Variants in CASZ1 observed in about 807,000 individuals in gnomAD.
CASZ1 encodes castor zinc finger 1.
In CASZ1, 28 loss-of-function variants were observed where a neutral mutation model predicts 135.2. The observed-to-expected ratio is 0.21, with a 90% CI of 0.15 to 0.28. CASZ1 has a LOEUF of 0.28. Among genes scored for constraint, CASZ1 ranks in the 10% least tolerant of loss-of-function variants. CASZ1 has a pLI of 1.00. For missense variants in CASZ1, 2,161 were observed against 2,453.3 expected (o/e 0.88, Z 2.52); for synonymous variants, 1,068 against 1,073.4 (o/e 0.99, Z 0.10).
rs144647570 is a variant in CASZ1 at position 10,766,651 on chromosome 1, C to T, written c.-233-5794G>A. Among the ~76,000 whole-genome samples the T allele has an allele frequency of 2.0e-5, 3 of 152,306 alleles. No individual in the cohort carries two copies. In the East Asian group the frequency reaches 5.8e-4, roughly 29 times the overall value. On this transcript the variant is annotated intron_variant, in intron 1 of 20. Coordinates refer to ENST00000377022, the MANE Select transcript of CASZ1 (RefSeq NM_001079843.3). ...AGGTGCTGTCAAGCATTTGATAAAT[C>T]AATCACAAAGCCTAAACAAAGAGAA...
In CASZ1 at chr1:10,649,108, C is replaced by A. The variant is rs1287151990; in HGVS notation, c.3120G>T (p.Ala1040=). The A allele has an allele frequency of 6.2e-7, 1 of 1,613,604 alleles. No homozygotes were observed. The highest frequency in any genetic ancestry group is 8.5e-7 in the Non-Finnish European group (1 of 1,180,022). Residue 1040 remains alanine, a synonymous_variant, in exon 15 of 21, where the codon GCG becomes GCT. Coordinates refer to ENST00000377022, the MANE Select transcript of CASZ1 (RefSeq NM_001079843.3). ...HFHCVVEECG[A]LFSTLDGAIK... is the part of the protein sequence containing the mutation. ...TGGCCCCGTCCAAGGTGCTGAAGAG[C>A]GCGCCGCATTCCTCCACCACGCAGT...
Position 10,767,420 on chromosome 1 carries a change from C to G in CASZ1, c.-233-6563G>C, listed in dbSNP as rs1298373602. Among the ~76,000 whole-genome samples, 1 of 152,186 alleles carries G rather than the reference C, an allele frequency of 6.6e-6. No individual in the cohort carries two copies. The highest frequency in any genetic ancestry group is 1.5e-5 in the Non-Finnish European group (1 of 68,034). On this transcript the variant is annotated intron_variant, in intron 1 of 20. Transcript: ENST00000377022. This position sits in a 1 kb window ranked among gnomAD's most constrained non-coding sequence, Gnocchi z 4.2. ...GTAAACAACCTGATTTTCCGCCTTC[C>G]CAGATCCTAGGCAGATCCCTGGAGG...
In CASZ1 at chr1:10,639,274, C is replaced by A. The variant is rs867235383; in HGVS notation, c.4948G>T (p.Gly1650Cys). 12 of 1,087,686 alleles carry A rather than the reference C, an allele frequency of 1.1e-5. No individual in the cohort carries two copies. The highest frequency in any genetic ancestry group is 8.2e-4 in the Middle Eastern group (2 of 2,448). The allele number at this position is 1,087,686 out of a possible 1,614,324, so 67.4% of individuals were successfully genotyped here. A position where few individuals can be genotyped will look rare whatever the true frequency, so the allele number is the denominator to read the frequency against. Reference protein sequence around the residue: ...GLALGDAGDPGPPDAAAPGPR... With the variant: ...GLALGDAGDPCPPDAAAPGPR... ...CCGGGGGCGGCGGCGTCGGGCGGGC[C>A]GGGGTCGCCCGCGTCGCCCAGCGCC... The change falls in exon 21 of 21, where the codon GGC becomes TGC. Residue 1650 changes from glycine (G) to cysteine (C), a missense_variant. Physicochemically the swap from Gly to Cys is radical, Grantham distance 159. Around this residue, in one of 7 missense-constraint regions of CASZ1, gnomAD observed 185 missense variants for 134.7 expected, o/e 1.37. Coordinates refer to ENST00000377022, the MANE Select transcript of CASZ1 (RefSeq NM_001079843.3). The surrounding 1 kb of genome is among the most constrained non-coding windows in gnomAD (Gnocchi z 4.0).
intron 6 of CASZ1, 43 bp downstream of exon 6, chr1:10,659,659 C>A: frequency 6.6e-7 from 1 of 1,525,302 alleles, no homozygotes; most frequent in Admixed American, 1.7e-5. Flanking sequence ...CCTGTCTAGT[C>A]TGGCTCCTGG....
Position 10,639,441 on chromosome 1 carries a change from T to C in CASZ1, c.4781A>G (p.Lys1594Arg), listed in dbSNP as rs969602691. 4 of 1,588,632 alleles carry C rather than the reference T, an allele frequency of 2.5e-6. No individual in the cohort carries two copies. Among genetic ancestry groups the C allele is most frequent in the Non-Finnish European group, 3.4e-6 (4 of 1,168,760 alleles). The change falls in exon 21 of 21, where the codon AAG becomes AGG. Residue 1594 changes from lysine (K) to arginine (R), a missense_variant. Lys to Arg is a conservative substitution (Grantham distance 26, BLOSUM62 2). Around this residue, in one of 7 missense-constraint regions of CASZ1, gnomAD observed 240 missense variants for 321.4 expected, o/e 0.75. Coordinates refer to ENST00000377022, the MANE Select transcript of CASZ1 (RefSeq NM_001079843.3). The surrounding 1 kb of genome is among the most constrained non-coding windows in gnomAD (Gnocchi z 4.0). ...GMSQMDSHKR[K>R]HEKQERGEPA... Reference sequence around the variant, plus strand: ...CTCGCCGCGCTCCTGCTTCTCGTGCTTGCGCTTGTGCGAGTCCATCTGCGA... The same window carrying C: ...CTCGCCGCGCTCCTGCTTCTCGTGCCTGCGCTTGTGCGAGTCCATCTGCGA...
At chr1:10,778,108 C>A (rs1640694261) in intron 1 of CASZ1, among the ~76,000 whole-genome samples, 1 of 152,034 alleles carries the variant, frequency 6.6e-6, no homozygotes, top group African/African-American at 2.4e-5. Flanking sequence ...CACAATCTCA[C>A]AATCACAATT....
rs183506894 is a variant in CASZ1 at position 10,757,141 on chromosome 1, A to T, written c.-77+3560T>A. Among the ~76,000 whole-genome samples the T allele has an allele frequency of 1.2e-3, 190 of 152,310 alleles. 1 individual carries two copies. In the Middle Eastern group the frequency reaches 0.014, roughly 11 times the overall value. Reference sequence around the variant, plus strand: ...AAACGAGCCTTTCTCAGCACCCAGCATGGTTCCAAGATGGCACTTCTCCCC... The same window carrying T: ...AAACGAGCCTTTCTCAGCACCCAGCTTGGTTCCAAGATGGCACTTCTCCCC... On this transcript the variant is annotated intron_variant, in intron 2 of 20. Coordinates refer to ENST00000377022, the MANE Select transcript of CASZ1 (RefSeq NM_001079843.3). This position sits in a 1 kb window ranked among gnomAD's most constrained non-coding sequence, Gnocchi z 4.6.
At chr1:10,713,503 C>T (rs891681189) in intron 2 of CASZ1, among the ~76,000 whole-genome samples, 11 of 152,174 alleles carry the variant, frequency 7.2e-5, no homozygotes, top group Admixed American at 5.9e-4. Context: ...CCTGTTCTTC[C>T]GGAAACAGCC....
At chr1:10,674,728 G>A (rs1402112405) in intron 4 of CASZ1, among the ~76,000 whole-genome samples, 1 of 152,218 alleles carries the variant, frequency 6.6e-6, no homozygotes, top group South Asian at 2.1e-4. Flanking sequence ...GCAGGGCACC[G>A]CGGACCTGGA....
intron 1 of CASZ1, among the ~76,000 whole-genome samples, chr1:10,779,116 A>G (rs1374651377): frequency 6.6e-6 from 1 of 152,058 alleles, no homozygotes; most frequent in Non-Finnish European, 1.5e-5. Flanking sequence ...TTGAGGTTCA[A>G]ACATTTCTTG....
Position 10,653,544 on chromosome 1 carries a change from G to T in CASZ1, c.2513C>A (p.Thr838Lys), listed in dbSNP as rs201132338. ...GTCTCCAGCTCCCGAGGCGACCAGC[G>T]TGGGTGTGTCAGGGGTGGCTGAGGC... is the stretch of plus-strand genomic sequence containing the variant. ...SAASATPDTPTLVASGAGDSA... is the reference protein window; with the variant it reads ...SAASATPDTPKLVASGAGDSA... Residue 838 changes from threonine (T) to lysine (K), a missense_variant, in exon 11 of 21, where the codon ACG (threonine) becomes AAG (lysine). Coordinates refer to ENST00000377022, the MANE Select transcript of CASZ1 (RefSeq NM_001079843.3). 1.3e-6 allele frequency: 2 copies of T among 1,595,334 alleles called. No individual in the cohort carries two copies. The highest frequency in any genetic ancestry group is 3.4e-5 in the Admixed American group (2 of 59,018).
intron 1 of CASZ1, among the ~76,000 whole-genome samples, chr1:10,784,351 C>T (rs765525433): frequency 8.5e-5 from 13 of 152,148 alleles, no homozygotes; most frequent in Non-Finnish European, 1.8e-4. Flanking sequence ...GAACTTCCTG[C>T]GATGATGGAA....
At chr1:10,661,678 AAC>A (rs539490442) in intron 5 of CASZ1, among the ~76,000 whole-genome samples, 40 of 151,924 alleles carry the variant, frequency 2.6e-4, no homozygotes, top group South Asian at 8.3e-4. Flanking sequence ...GATCACATAC[AAC>A]ACACACATGC....
At chr1:10,684,259 G>T (rs284260) in intron 4 of CASZ1, among the ~76,000 whole-genome samples, 5,763 of 152,122 alleles carry the variant, frequency 0.038, 378 homozygotes, top group African/African-American at 0.13. Context: ...GATATGTTTG[G>T]GGGGAGAAGG....
At chr1:10,793,383 G>T in intron 1 of CASZ1, among the ~76,000 whole-genome samples, 1 of 152,098 alleles carries the variant, frequency 6.6e-6, no homozygotes, top group Middle Eastern at 3.4e-3. Flanking sequence ...CCTCTCCTTC[G>T]TAAGAAGGAA....
chr1:10,736,431 T>C (rs1241779243), intron 2 of CASZ1, among the ~76,000 whole-genome samples: 2 of 152,196 alleles, frequency 1.3e-5, no homozygotes, highest in East Asian at 3.8e-4. Flanking sequence ...CTCCCTGGGA[T>C]GTTCTGATCC....
chr1:10,645,146 GC>G, intron 17 of CASZ1, 58 bp from the exon 18 acceptor site: 4 of 1,522,482 alleles, frequency 2.6e-6, no homozygotes, highest in Non-Finnish European at 3.6e-6. Flanking sequence ...GCTCCTGCCT[GC>G]CCCGGGCCTG....
intron 4 of CASZ1, among the ~76,000 whole-genome samples, chr1:10,673,496 C>T (rs1046772372): frequency 4.6e-5 from 7 of 151,962 alleles, no homozygotes; most frequent in African/African-American, 7.2e-5. Context: ...CTTGTGCTCA[C>T]GCTGCCTCTC....
chr1:10,782,179 G>C (rs897177615), intron 1 of CASZ1, among the ~76,000 whole-genome samples: 4 of 152,370 alleles, frequency 2.6e-5, no homozygotes, highest in African/African-American at 9.6e-5. Flanking sequence ...ACGACTGGAG[G>C]GGTATTTGAA....
Sources: gnomAD v4.1 joint callset for allele counts (sites outside exome capture counted in the v4.1 genomes callset) on GRCh38, gnomAD v4.1.1 for gene constraint, gnomAD v4.1.1 regional missense constraint, Gnocchi (gnomAD v3.1) non-coding constraint, MANE v1.5 for transcripts, NCBI Gene and HGNC (gene_info 2026-07-23, HGNC 2026-07-21) for gene names.